TMCO5A: variants seen among roughly 807,000 people sequenced by gnomAD.
TMCO5A encodes transmembrane and coiled-coil domains 5A.
A neutral mutation model predicts 42.3 loss-of-function variants in TMCO5A; 34 were observed. That is an observed-to-expected ratio of 0.80 (90% CI 0.61 to 1.07). The LOEUF is 1.07. TMCO5A is among the 50% of genes least tolerant of loss of function. The pLI is 0.00. For synonymous variants in TMCO5A, 131 were observed against 115.6 expected, an observed-to-expected ratio of 1.13 and a Z score of -0.86; for missense variants, 357 against 327.9, an observed-to-expected ratio of 1.09 and a Z score of -0.69.
In TMCO5A at chr15:37,936,912, G is replaced by T. The variant is rs140859377; in HGVS notation, c.206G>T (p.Arg69Leu). The T allele has an allele frequency of 1.2e-6, 2 of 1,612,516 alleles. No homozygotes were observed. The highest frequency in any genetic ancestry group is 8.5e-7 in the Non-Finnish European group (1 of 1,179,112). The change falls in exon 4 of 12, where the codon CGC (arginine) becomes CTC (leucine). Residue 69 changes from arginine to leucine, a missense_variant. Physicochemically the swap from Arg to Leu is moderately radical, Grantham distance 102. Coordinates refer to ENST00000319669, the MANE Select transcript of TMCO5A (RefSeq NM_152453.4). ...VEDEEWEKEN[R>L]TTMERERALQ... ...GATGAAGAGTGGGAGAAGGAGAACC[G>T]CACCACGATGGAAAGGGAAAGAGCC...
chr15:37,958,945 A>G (rs1890357334), intron 11 of TMCO5A, among the ~76,000 whole-genome samples: 1 of 152,178 alleles, frequency 6.6e-6, no homozygotes, highest in South Asian at 2.1e-4. Flanking sequence ...AGCCATAAAA[A>G]AGGATGAGTT....
At chr15:38,007,872 CTTTTTTTTTTTTTTTTTTTTTTTTT>C in the TMCO5A span, among the ~76,000 whole-genome samples, 6 of 47,366 alleles carry the variant, frequency 1.3e-4, no homozygotes, top group South Asian at 1.0e-3. Context: ...CTCACCCACA[CTTTTTTTTTTTTTTTTTTTTTTTTT>C]TTTTTTTTTT....
At chr15:37,950,195 G>A (rs909695396) in intron 11 of TMCO5A, among the ~76,000 whole-genome samples, 1 of 152,142 alleles carries the variant, frequency 6.6e-6, no homozygotes, top group African/African-American at 2.4e-5. Flanking sequence ...CAATGGAGGG[G>A]AATACTCTTG....
chr15:37,962,490 T>C (rs112116384), intron 11 of TMCO5A, among the ~76,000 whole-genome samples: 1 of 152,280 alleles, frequency 6.6e-6, no homozygotes, highest in South Asian at 2.1e-4. Flanking sequence ...GATATCAATC[T>C]GTAGTTTTCT....
chr15:37,943,510 C>A, intron 10 of TMCO5A, 112 bp downstream of exon 10: 1 of 982,416 alleles, frequency 1.0e-6, no homozygotes, highest in South Asian at 1.5e-5. Flanking sequence ...GCGCATTTTC[C>A]AAGAACAGTA....
downstream of TMCO5A, among the ~76,000 whole-genome samples, chr15:37,968,688 T>C (rs1310372043): frequency 6.6e-6 from 1 of 151,840 alleles, no homozygotes; most frequent in African/African-American, 2.4e-5. Context: ...GTTCAAATTA[T>C]TCTCCTGCCT....
chr15:37,938,316 AC>A, intron 6 of TMCO5A, 87 bp downstream of exon 6: 1 of 1,176,176 alleles, frequency 8.5e-7, no homozygotes, highest in Non-Finnish European at 1.2e-6. Flanking sequence ...CAACGTTGTG[AC>A]AAATTCTTGG....
At chr15:37,947,724 C>T in intron 11 of TMCO5A, 28 bp downstream of exon 11, 1 of 1,528,536 alleles carries the variant, frequency 6.5e-7, no homozygotes, top group South Asian at 1.1e-5. Context: ...AGGTAAACTT[C>T]CTATAAAATT....
At chr15:37,997,656 G>C in the TMCO5A span, among the ~76,000 whole-genome samples, 5 of 152,186 alleles carry the variant, frequency 3.3e-5, no homozygotes, top group African/African-American at 1.2e-4. Flanking sequence ...ATTGTGAATA[G>C]TGTTGCAATA....
chr15:37,967,562 C>A (rs1890584889), exon 12 of TMCO5A: 1 of 152,134 alleles, frequency 6.6e-6, no homozygotes, highest in Non-Finnish European at 1.5e-5. Flanking sequence ...AGAATGGTTA[C>A]CAGAGGCTGT....
chr15:37,989,350 G>T, the TMCO5A span, among the ~76,000 whole-genome samples: 4 of 151,716 alleles, frequency 2.6e-5, no homozygotes, highest in Admixed American at 6.6e-5. Flanking sequence ...CTAGCTTTGG[G>T]TTCAGTGTGT....
At chr15:37,955,136 C>G (rs1418876669), downstream of TMCO5A, among the ~76,000 whole-genome samples, 1 of 151,214 alleles carries the variant, frequency 6.6e-6, no homozygotes, top group Non-Finnish European at 1.5e-5. Context: ...ACTCTCCAAT[C>G]AAAGGACATA....
chr15:38,012,543 T>C, the TMCO5A span, among the ~76,000 whole-genome samples: 3 of 151,848 alleles, frequency 2.0e-5, no homozygotes, highest in Admixed American at 6.6e-5. Context: ...TGTGTGTGTG[T>C]GCACATACAC....
chr15:37,999,633 T>G, the TMCO5A span, among the ~76,000 whole-genome samples: 3 of 152,204 alleles, frequency 2.0e-5, no homozygotes, highest in Admixed American at 1.3e-4. Flanking sequence ...ATTTTGGTTT[T>G]TCCTCATTCA....
intron 10 of TMCO5A, among the ~76,000 whole-genome samples, chr15:37,945,489 G>C (rs112266263): frequency 0.26 from 39,732 of 151,962 alleles, 5,548 homozygotes; most frequent in African/African-American, 0.33. Context: ...TATACTCCCA[G>C]CAACAGTGTA....
At chr15:37,943,594 A>C in intron 10 of TMCO5A, 196 bp downstream of exon 10, 1 of 547,170 alleles carries the variant, frequency 1.8e-6, no homozygotes, top group Non-Finnish European at 3.2e-6. Context: ...CTTTCTTCTC[A>C]TTCAGCCATA....
the TMCO5A span, among the ~76,000 whole-genome samples, chr15:37,977,799 A>G: frequency 0.024 from 3,644 of 152,292 alleles, 149 homozygotes; most frequent in African/African-American, 0.083. Context: ...TGTTTCTTAC[A>G]GCTCTACCCT....
intron 11 of TMCO5A, among the ~76,000 whole-genome samples, chr15:37,948,357 G>T (rs1890039004): frequency 6.6e-6 from 1 of 151,930 alleles, no homozygotes; most frequent in Non-Finnish European, 1.5e-5. Context: ...ATTCAAAATG[G>T]TATGAAATAT....
At chr15:38,032,621 C>T in the TMCO5A span, among the ~76,000 whole-genome samples, 127 of 152,202 alleles carry the variant, frequency 8.3e-4, 2 homozygotes, top group South Asian at 0.017. Context: ...GTCAATGCCT[C>T]GATGTTCCCA....
Sources: gnomAD v4.1 joint callset for allele counts (sites outside exome capture counted in the v4.1 genomes callset) on GRCh38, gnomAD v4.1.1 for gene constraint, MANE v1.5 for transcripts, NCBI Gene and HGNC (gene_info 2026-07-23, HGNC 2026-07-21) for gene names.